AMER3: variants seen among roughly 807,000 people sequenced by gnomAD.
AMER3 encodes family with sequence similarity 123C.
For synonymous variants in AMER3, 541 were observed against 485.5 expected (o/e 1.11, Z -1.50); for missense variants, 1,201 against 1,139.4 (o/e 1.05, Z -0.78).
chr2:130,755,732 T>G (rs1241456088), intron 1 of AMER3, 58 bp downstream of exon 1: 1 of 152,356 alleles, frequency 6.6e-6, no homozygotes. Context: ...GTCAGGTCCC[T>G]TCTCCAAGGG....
chr2:130,764,317 G>T lies in AMER3; in HGVS notation c.2245G>T (p.Val749Phe). ...STQDQRCRDR[V>F]QDLSWLRVEP... ...ACAGGACCAGAGGTGTCGAGATCGTGTCCAGGACCTGAGCTGGCTCAGGGT... is the reference window on the plus strand; with the variant it reads ...ACAGGACCAGAGGTGTCGAGATCGTTTCCAGGACCTGAGCTGGCTCAGGGT... Residue 749 changes from valine (V) to phenylalanine (F), a missense_variant, in exon 2 of 2, where the codon GTC becomes TTC. Physicochemically the swap from Val to Phe is conservative, Grantham distance 50. Transcript: ENST00000321420. The T allele has an allele frequency of 6.2e-7, 1 of 1,608,606 alleles. No homozygotes were observed. Among genetic ancestry groups the T allele is most frequent in the Non-Finnish European group, 8.5e-7 (1 of 1,176,392 alleles).
Position 130,763,666 on chromosome 2 carries a change from G to C in AMER3, c.1594G>C (p.Gly532Arg). 6.6e-7 allele frequency: 1 copy of C among 1,526,320 alleles called. No homozygotes were observed. Among genetic ancestry groups the C allele is most frequent in the Non-Finnish European group, 8.8e-7 (1 of 1,138,994 alleles). The allele number at this position is 1,526,320 out of a possible 1,614,324, so 94.5% of individuals were successfully genotyped here. ...CCCTGGGCAGCCTGCAGCTCCACCT[G>C]GTTCCCAGGGAGCCCCTAGGGCACC... ...PTPGQPAAPP[G>R]SQGAPRAPTE... The change falls in exon 2 of 2, where the codon GGT (glycine) becomes CGT (arginine). Residue 532 changes from glycine to arginine, a missense_variant. Gly to Arg is a moderately radical substitution (Grantham distance 125, BLOSUM62 -2). Coordinates refer to ENST00000321420, the MANE Select transcript of AMER3 (RefSeq NM_152698.3).
In AMER3 at chr2:130,763,429, C is replaced by G. The variant is rs1204977998; in HGVS notation, c.1357C>G (p.Leu453Val). ...GTCTGAGAGTCTGTCAGGGCCGGCC[C>G]TGGGGACGCCACTGTCCATATGCAG... ...CVSESLSGPALGTPLSICSFR... is the reference protein window; with the variant it reads ...CVSESLSGPAVGTPLSICSFR... The change falls in exon 2 of 2, where the codon CTG becomes GTG. Residue 453 changes from leucine (L) to valine (V), a missense_variant. Coordinates refer to ENST00000321420, the MANE Select transcript of AMER3 (RefSeq NM_152698.3). 6.2e-7 allele frequency: 1 copy of G among 1,613,020 alleles called. No individual in the cohort carries two copies. The highest frequency in any genetic ancestry group is 1.7e-5 in the Admixed American group (1 of 60,026).
rs1160228142 is a variant in AMER3 at position 130,764,536 on chromosome 2, G to A, written c.2464G>A (p.Glu822Lys). 21 of 1,604,256 alleles carry A rather than the reference G, an allele frequency of 1.3e-5. No individual in the cohort carries two copies. Among genetic ancestry groups the A allele is most frequent in the Non-Finnish European group, 1.6e-5 (19 of 1,176,094 alleles). The change falls in exon 2 of 2, where the codon GAA becomes AAA. Residue 822 changes from glutamate to lysine, a missense_variant. Coordinates refer to ENST00000321420, the MANE Select transcript of AMER3 (RefSeq NM_152698.3). ...GGGCCTCACTTTGAACAGCCAGCAGGAAGGGGGGGTCTCTGCAAGTGCCCC... is the reference window on the plus strand; with the variant it reads ...GGGCCTCACTTTGAACAGCCAGCAGAAAGGGGGGGTCTCTGCAAGTGCCCC... ...SLGLTLNSQQEGGVSASAPEC... is the reference protein window; with the variant it reads ...SLGLTLNSQQKGGVSASAPEC...
At position 130,763,725 on chromosome 2, in the gene AMER3, C is replaced by T. The variant is rs373011055; in HGVS notation, c.1653C>T (p.Ala551=). The change falls in exon 2 of 2, where the codon GCC becomes GCT. Residue 551 remains alanine (A), a synonymous_variant. Coordinates refer to ENST00000321420, the MANE Select transcript of AMER3 (RefSeq NM_152698.3). ...TEKLGGREGL[A]SDAGGATVCS... is the part of the protein sequence containing the mutation. ...AGCTGGGGGGCAGGGAGGGCCTGGCCTCAGATGCAGGGGGGGCGACAGTTT... is the reference window on the plus strand; with the variant it reads ...AGCTGGGGGGCAGGGAGGGCCTGGCTTCAGATGCAGGGGGGGCGACAGTTT... The T allele has an allele frequency of 1.3e-6, 2 of 1,575,000 alleles. No individual in the cohort carries two copies. The highest frequency in any genetic ancestry group is 1.7e-6 in the Non-Finnish European group (2 of 1,163,084).
Position 130,767,011 on chromosome 2 carries a change from C to G in AMER3, c.*2353C>G, listed in dbSNP as rs761987307. On this transcript the variant is annotated 3_prime_UTR_variant, in exon 2 of 2. Coordinates refer to ENST00000321420, the MANE Select transcript of AMER3 (RefSeq NM_152698.3). ...CTGCAAGTAACAAAGGCTTTTGACT[C>G]CACTCCCTCCACGCTGTCAGATCGC... The G allele has an allele frequency of 6.0e-6, 1 of 167,122 alleles. No individual in the cohort carries two copies. Among genetic ancestry groups the G allele is most frequent in the Non-Finnish European group, 1.5e-5 (1 of 68,162 alleles). The allele number at this position is 167,122 out of a possible 1,614,324, so 10.4% of individuals were successfully genotyped here.
chr2:130,758,762 G>T (rs1678693625), intron 1 of AMER3, among the ~76,000 whole-genome samples: 1 of 152,200 alleles, frequency 6.6e-6, no homozygotes, highest in African/African-American at 2.4e-5. Flanking sequence ...TTGGGGGAGG[G>T]ATGTGGCACT....
In AMER3 at chr2:130,768,058, A is replaced by G. The variant is rs1413596771; in HGVS notation, c.*3400A>G. Reference sequence around the variant, plus strand: ...GGGGAGGCTGCCCTGACTCAACCCCAGCCTGGGGCTTTGTGCTGCACCTGA... The same window carrying G: ...GGGGAGGCTGCCCTGACTCAACCCCGGCCTGGGGCTTTGTGCTGCACCTGA... On this transcript the variant is annotated 3_prime_UTR_variant, in exon 2 of 2. Transcript: ENST00000321420. 1 of 167,094 alleles carries G rather than the reference A, an allele frequency of 6.0e-6. No individual in the cohort carries two copies. Among genetic ancestry groups the G allele is most frequent in the East Asian group, 1.9e-4 (1 of 5,196 alleles). 10.4% of individuals were successfully genotyped at this position (167,094 alleles called of 1,614,324 possible).
rs139301089 is a variant in AMER3 at position 130,759,815 on chromosome 2, A to G, written c.-19-2239A>G. Among the ~76,000 whole-genome samples, 982 of 152,356 alleles carry G rather than the reference A, an allele frequency of 6.4e-3. 11 individuals carry two copies. Among genetic ancestry groups the G allele is most frequent in the African/African-American group, 0.022 (905 of 41,576 alleles). ...CTGTGTGACTTGGGTCAGTTCATTGACTTTTCTGAATCTGAATTTATCCTT... is the reference window on the plus strand; with the variant it reads ...CTGTGTGACTTGGGTCAGTTCATTGGCTTTTCTGAATCTGAATTTATCCTT... On this transcript the variant is annotated intron_variant, in intron 1 of 1. Transcript: ENST00000321420.
chr2:130,760,226 C>T (rs1425027428), intron 1 of AMER3, among the ~76,000 whole-genome samples: 1 of 152,212 alleles, frequency 6.6e-6, no homozygotes, highest in African/African-American at 2.4e-5. Context: ...TCTCATCCTC[C>T]AACCAAAAGT....
At position 130,763,330 on chromosome 2, in the gene AMER3, G is replaced by A; in HGVS notation, c.1258G>A (p.Asp420Asn). The A allele has an allele frequency of 1.2e-6, 2 of 1,613,552 alleles. No homozygotes were observed. Among genetic ancestry groups the A allele is most frequent in the African/African-American group, 1.3e-5 (1 of 75,060 alleles). ...ATFPRDSYSG[D>N]ALYELFHDPS... ...CTTCCCACGGGACAGCTACAGTGGG[G>A]ACGCCCTCTACGAGCTCTTCCACGA... The change falls in exon 2 of 2, where the codon GAC becomes AAC. Residue 420 changes from aspartate (D) to asparagine (N), a missense_variant. Asp to Asn is a conservative substitution (Grantham distance 23). Coordinates refer to ENST00000321420, the MANE Select transcript of AMER3 (RefSeq NM_152698.3).
At chr2:130,759,184 C>G (rs978349442) in intron 1 of AMER3, among the ~76,000 whole-genome samples, 1 of 152,214 alleles carries the variant, frequency 6.6e-6, no homozygotes, top group African/African-American at 2.4e-5. Context: ...TGTCCTGTCT[C>G]TATGCAAAGT....
In AMER3 at chr2:130,762,959, C is replaced by T. The variant is rs1004711171; in HGVS notation, c.887C>T (p.Ala296Val). Residue 296 changes from alanine (A) to valine (V), a missense_variant, in exon 2 of 2, where the codon GCC becomes GTC. Ala to Val is a moderately conservative substitution (Grantham distance 64). Transcript: ENST00000321420. ...CTCCAGGGCAGTGTGGAGCAGCTGG[C>T]CTCGCCCGCCCAGAATGAAGCCTCT... ...GPLQGSVEQL[A>V]SPAQNEASDF... The T allele has an allele frequency of 6.2e-7, 1 of 1,612,920 alleles. No individual in the cohort carries two copies. Among genetic ancestry groups the T allele is most frequent in the Non-Finnish European group, 8.5e-7 (1 of 1,179,904 alleles).
rs181225754 is a variant in AMER3, at chr2:130,762,968, C to G, written c.896C>G (p.Ala299Gly). The G allele has an allele frequency of 1.9e-6, 3 of 1,613,100 alleles. No homozygotes were observed. In the African/African-American group the frequency reaches 4.0e-5, roughly 22 times the overall value. ...QGSVEQLASPAQNEASDFTRF... is the reference protein window; with the variant it reads ...QGSVEQLASPGQNEASDFTRF... ...AGTGTGGAGCAGCTGGCCTCGCCCG[C>G]CCAGAATGAAGCCTCTGACTTCACC... Residue 299 changes from alanine to glycine, a missense_variant, in exon 2 of 2, where the codon GCC becomes GGC. Ala to Gly is a moderately conservative substitution (Grantham distance 60, BLOSUM62 0). Coordinates refer to ENST00000321420, the MANE Select transcript of AMER3 (RefSeq NM_152698.3).
In AMER3 at chr2:130,763,850, G is replaced by C. The variant is rs1365825629; in HGVS notation, c.1778G>C (p.Gly593Ala). The C allele has an allele frequency of 3.1e-6, 5 of 1,613,278 alleles. No homozygotes were observed. Among genetic ancestry groups the C allele is most frequent in the Admixed American group, 3.3e-5 (2 of 60,018 alleles). ...KALGGATQGTGTLSRDASREE... is the reference protein window; with the variant it reads ...KALGGATQGTATLSRDASREE... Reference sequence around the variant, plus strand: ...CTCGGAGGGGCCACACAAGGGACTGGCACACTGTCCAGGGATGCCTCTCGA... The same window carrying C: ...CTCGGAGGGGCCACACAAGGGACTGCCACACTGTCCAGGGATGCCTCTCGA... Residue 593 changes from glycine (G) to alanine (A), a missense_variant, in exon 2 of 2, where the codon GGC (glycine) becomes GCC (alanine). Physicochemically the swap from Gly to Ala is moderately conservative, Grantham distance 60. Coordinates refer to ENST00000321420, the MANE Select transcript of AMER3 (RefSeq NM_152698.3).
chr2:130,761,779 A>G (rs552802634), intron 1 of AMER3, among the ~76,000 whole-genome samples: 27 of 152,332 alleles, frequency 1.8e-4, no homozygotes. Flanking sequence ...TCTACACAGA[A>G]CACGGAGTCT....
Position 130,764,016 on chromosome 2 carries a change from A to T in AMER3, c.1944A>T (p.Pro648=). The change falls in exon 2 of 2, where the codon CCA becomes CCT. Residue 648 remains proline, a synonymous_variant. Coordinates refer to ENST00000321420, the MANE Select transcript of AMER3 (RefSeq NM_152698.3). ...GCTCCCAGAAGGAGCCTGGGCCACC[A>T]GGGGTCCTGGGGTGTTTCCGAGGCC... ...WPCSQKEPGP[P]GVLGCFRGPW... The T allele has an allele frequency of 1.2e-6, 2 of 1,613,038 alleles. No homozygotes were observed. The highest frequency in any genetic ancestry group is 1.7e-6 in the Non-Finnish European group (2 of 1,179,706).
intron 1 of AMER3, among the ~76,000 whole-genome samples, chr2:130,761,246 T>C (rs1441720488): frequency 6.6e-6 from 1 of 152,220 alleles, no homozygotes; most frequent in Non-Finnish European, 1.5e-5. Context: ...CTAGCACTGC[T>C]GCCATCTGTC....
intron 1 of AMER3, among the ~76,000 whole-genome samples, chr2:130,756,729 A>G (rs1678622027): frequency 6.6e-6 from 1 of 152,098 alleles, no homozygotes; most frequent in African/African-American, 2.4e-5. Context: ...CCCTCCCCAG[A>G]GGGCCCTTTG....
Sources: gnomAD v4.1 joint callset for allele counts (sites outside exome capture counted in the v4.1 genomes callset) on GRCh38, gnomAD v4.1.1 for gene constraint, MANE v1.5 for transcripts, NCBI Gene and HGNC (gene_info 2026-07-23, HGNC 2026-07-21) for gene names.